The following KHDRBS2 variants were observed in gnomAD, a reference collection of about 807,000 sequenced individuals.
KHDRBS2 encodes KH RNA binding domain containing, signal transduction associated 2.
In KHDRBS2, 26 loss-of-function variants were observed where a neutral mutation model predicts 44.3. That is an observed-to-expected ratio of 0.59 (90% CI 0.43 to 0.81). The LOEUF (loss-of-function observed/expected upper bound fraction) is 0.81. KHDRBS2 is among the 40% of genes least tolerant of loss of function. The probability of loss-of-function intolerance (pLI) is 0.00; values close to 1 mark genes in which losing one functional copy is unlikely to be tolerated. For synonymous variants in KHDRBS2, 194 were observed against 151.1 expected (o/e 1.28, Z -2.08); for missense variants, 476 against 433.1 (o/e 1.10, Z -0.88).
intron 6 of KHDRBS2, among the ~76,000 whole-genome samples, chr6:61,856,074 G>A (rs1796108165): frequency 6.6e-6 from 1 of 152,084 alleles, no homozygotes; most frequent in East Asian, 1.9e-4. Context: ...TAGTCTCACT[G>A]TCTTTCCTTT....
chr6:62,087,541 G>A (rs892048649), intron 2 of KHDRBS2, among the ~76,000 whole-genome samples: 2 of 152,040 alleles, frequency 1.3e-5, no homozygotes, highest in African/African-American at 4.8e-5. Context: ...AAATACTGAA[G>A]GTGAGTAAAA....
At chr6:61,684,745 C>A (rs1025281755) in intron 8 of KHDRBS2, among the ~76,000 whole-genome samples, 2 of 151,598 alleles carry the variant, frequency 1.3e-5, no homozygotes, top group Non-Finnish European at 2.9e-5. Context: ...AATAACTATA[C>A]GCCAAATTGA....
intron 6 of KHDRBS2, among the ~76,000 whole-genome samples, chr6:61,837,634 C>T (rs1235268077): frequency 6.6e-6 from 1 of 151,958 alleles, no homozygotes; most frequent in Non-Finnish European, 1.5e-5. Flanking sequence ...GCACCTGACT[C>T]AAACACTACA....
the KHDRBS2 span, among the ~76,000 whole-genome samples, chr6:61,626,309 A>C: frequency 6.6e-6 from 1 of 152,172 alleles, no homozygotes; most frequent in Non-Finnish European, 1.5e-5. Context: ...GATACATGTG[A>C]GTATTGTTGC....
At chr6:62,165,700 T>A (rs925178406) in intron 2 of KHDRBS2, among the ~76,000 whole-genome samples, 2 of 151,918 alleles carry the variant, frequency 1.3e-5, no homozygotes, top group African/African-American at 4.8e-5. Flanking sequence ...AATAAATATA[T>A]ATCACTGTCA....
At chr6:61,545,407 T>G in the KHDRBS2 span, among the ~76,000 whole-genome samples, 1 of 152,180 alleles carries the variant, frequency 6.6e-6, no homozygotes, top group South Asian at 2.1e-4. Flanking sequence ...ATCCTCTGCT[T>G]CAACATGTGC....
the KHDRBS2 span, among the ~76,000 whole-genome samples, chr6:61,545,434 T>A: frequency 1.3e-5 from 2 of 152,014 alleles, no homozygotes. Context: ...CATAAAATTT[T>A]AGGTCATTGT....
intron 2 of KHDRBS2, among the ~76,000 whole-genome samples, chr6:62,144,658 T>A (rs1813558151): frequency 6.6e-6 from 1 of 151,946 alleles, no homozygotes; most frequent in South Asian, 2.1e-4. Context: ...TTTAATTTAG[T>A]TTTTTAAGAA....
intron 3 of KHDRBS2, among the ~76,000 whole-genome samples, chr6:62,038,792 AG>A (rs1205291212): frequency 6.6e-6 from 1 of 152,110 alleles, no homozygotes; most frequent in Admixed American, 6.6e-5. Flanking sequence ...AACACTTAAC[AG>A]GATCTTTCTA....
chr6:61,655,454 C>T, the KHDRBS2 span, among the ~76,000 whole-genome samples: 1 of 151,968 alleles, frequency 6.6e-6, no homozygotes, highest in African/African-American at 2.4e-5. Flanking sequence ...AGGGTTTCAC[C>T]ATGTTGGTCA....
At chr6:61,702,735 T>C (rs1768891218) in intron 7 of KHDRBS2, among the ~76,000 whole-genome samples, 1 of 151,916 alleles carries the variant, frequency 6.6e-6, no homozygotes, top group Non-Finnish European at 1.5e-5. Context: ...ATGTCTTTTC[T>C]GATAAAAATA....
intron 3 of KHDRBS2, among the ~76,000 whole-genome samples, chr6:62,007,934 A>G (rs1234650812): frequency 2.0e-5 from 3 of 152,216 alleles, no homozygotes; most frequent in Non-Finnish European, 4.4e-5. Flanking sequence ...CTGCAAAAGT[A>G]TAGAAAATAT....
intron 2 of KHDRBS2, among the ~76,000 whole-genome samples, chr6:62,108,761 G>A (rs1168853530): frequency 6.6e-6 from 1 of 152,112 alleles, no homozygotes; most frequent in African/African-American, 2.4e-5. Flanking sequence ...GGAATACTAT[G>A]CACCTATAAA....
chr6:62,016,325 T>A (rs539378243), intron 3 of KHDRBS2, among the ~76,000 whole-genome samples: 1 of 151,932 alleles, frequency 6.6e-6, no homozygotes, highest in Non-Finnish European at 1.5e-5. Flanking sequence ...TACAGAAAAT[T>A]TACTTCTAGT....
intron 4 of KHDRBS2, among the ~76,000 whole-genome samples, chr6:61,945,112 A>AATATATATAT (rs1491476068): frequency 1.4e-4 from 7 of 48,414 alleles, no homozygotes; most frequent in Non-Finnish European, 2.5e-4. Context: ...AAAAAAAAAA[A>AATATATATAT]GTATATATAT....
At chr6:61,563,754 TG>T in the KHDRBS2 span, among the ~76,000 whole-genome samples, 1 of 152,124 alleles carries the variant, frequency 6.6e-6, no homozygotes, top group East Asian at 1.9e-4. Flanking sequence ...AAGATATTAT[TG>T]TTGAGATCTA....
At chr6:61,627,252 CAAAAAAAAAAAA>C in the KHDRBS2 span, among the ~76,000 whole-genome samples, 1 of 76,116 alleles carries the variant, frequency 1.3e-5, no homozygotes, top group African/African-American at 5.3e-5. Context: ...GACTCCGTCT[CAAAAAAAAAAAA>C]AAAAAAAAAA....
At chr6:61,633,904 T>C in the KHDRBS2 span, among the ~76,000 whole-genome samples, 1 of 152,082 alleles carries the variant, frequency 6.6e-6, no homozygotes. Context: ...ATTTGTATCA[T>C]TTAAGTTTTA....
chr6:61,571,105 C>A, the KHDRBS2 span, among the ~76,000 whole-genome samples: 1 of 151,896 alleles, frequency 6.6e-6, no homozygotes, highest in Admixed American at 6.6e-5. Context: ...CCTAAATGAG[C>A]CACTTAAAAG....
Sources: allele counts gnomAD v4.1 joint callset (sites outside exome capture counted in the v4.1 genomes callset), GRCh38; gene constraint gnomAD v4.1.1; transcripts MANE v1.5; gene names NCBI Gene and HGNC (gene_info 2026-07-23, HGNC 2026-07-21).